BLTP1: variants seen among roughly 807,000 people sequenced by gnomAD.
The protein encoded by BLTP1 is fragile site-associated protein.
the BLTP1 span, chr4:122,286,569 G>A: frequency 6.2e-7 from 1 of 1,614,002 alleles, no homozygotes; most frequent in Non-Finnish European, 8.5e-7. Flanking sequence ...CATTTGAGCT[G>A]CCAAATCACA....
the BLTP1 span, chr4:122,246,102 G>A: frequency 1.3e-6 from 2 of 1,506,808 alleles, no homozygotes; most frequent in Non-Finnish European, 1.8e-6. Context: ...TGTGGATGAT[G>A]TGGAAGTTAT....
chr4:122,300,854 G>T, the BLTP1 span: 1 of 897,518 alleles, frequency 1.1e-6, no homozygotes, highest in Non-Finnish European at 1.3e-6. Context: ...GGAAAGAGAA[G>T]TGGAAACAGA....
chr4:122,238,555 G>A, the BLTP1 span, among the ~76,000 whole-genome samples: 3 of 152,218 alleles, frequency 2.0e-5, no homozygotes, highest in East Asian at 1.9e-4. Flanking sequence ...TATGAGGAAA[G>A]TACAGGAAAG....
the BLTP1 span, chr4:122,258,927 TC>T: frequency 1.4e-6 from 1 of 737,966 alleles, no homozygotes; most frequent in Non-Finnish European, 2.2e-6. Context: ...ATGTTAGGTG[TC>T]CACCCTAAAT....
chr4:122,250,553 A>C, the BLTP1 span: 1 of 1,613,588 alleles, frequency 6.2e-7, no homozygotes, highest in South Asian at 1.1e-5. Flanking sequence ...CTTAAATGGA[A>C]ATTCTGTTTC....
At chr4:122,184,389 A>T in the BLTP1 span, among the ~76,000 whole-genome samples, 26 of 152,216 alleles carry the variant, frequency 1.7e-4, no homozygotes, top group Non-Finnish European at 3.2e-4. Flanking sequence ...CTGTAATCCC[A>T]GCACTTTGGA....
chr4:122,166,710 G>A, the BLTP1 span, among the ~76,000 whole-genome samples: 2 of 152,168 alleles, frequency 1.3e-5, 1 homozygote, highest in South Asian at 4.1e-4. Context: ...CCATGAGCAT[G>A]GAATGTTCTT....
chr4:122,276,145 G>A, the BLTP1 span: 1 of 814,104 alleles, frequency 1.2e-6, no homozygotes, highest in South Asian at 3.2e-5. Context: ...TGTAATATAG[G>A]CCCTTTTATA....
the BLTP1 span, among the ~76,000 whole-genome samples, chr4:122,287,287 A>C: frequency 5.5e-3 from 838 of 152,346 alleles, 16 homozygotes; most frequent in African/African-American, 0.019. Context: ...TTCTTTACTA[A>C]GGTTAAGTTG....
the BLTP1 span, chr4:122,214,354 G>A: frequency 1.1e-6 from 1 of 934,664 alleles, no homozygotes; most frequent in Non-Finnish European, 1.3e-6. Context: ...CAAGCATAAT[G>A]TAAATTTGAC....
the BLTP1 span, among the ~76,000 whole-genome samples, chr4:122,164,895 T>G: frequency 6.6e-6 from 1 of 152,312 alleles, no homozygotes; most frequent in Non-Finnish European, 1.5e-5. Flanking sequence ...ATCACATTCA[T>G]GGTGATATGT....
the BLTP1 span, among the ~76,000 whole-genome samples, chr4:122,180,742 G>T: frequency 6.6e-6 from 1 of 152,332 alleles, no homozygotes; most frequent in East Asian, 1.9e-4. Context: ...AAAAGGCAAG[G>T]TGCAGAAGTG....
At chr4:122,254,511 AC>A in the BLTP1 span, 49 of 925,768 alleles carry the variant, frequency 5.3e-5, no homozygotes, top group African/African-American at 8.2e-4. Flanking sequence ...CATTAGTCTT[AC>A]CTTGTTTGAC....
chr4:122,288,597 A>G, the BLTP1 span: 1 of 158,306 alleles, frequency 6.3e-6, no homozygotes, highest in African/African-American at 2.4e-5. Flanking sequence ...GGTTAGAGTG[A>G]GCCAAGATTG....
the BLTP1 span, among the ~76,000 whole-genome samples, chr4:122,169,069 C>G: frequency 6.6e-6 from 1 of 152,062 alleles, no homozygotes; most frequent in Non-Finnish European, 1.5e-5. Flanking sequence ...TGCCCCCATG[C>G]CCTGAGTAGC....
At chr4:122,285,474 A>C in the BLTP1 span, among the ~76,000 whole-genome samples, 2 of 152,056 alleles carry the variant, frequency 1.3e-5, no homozygotes, top group African/African-American at 4.8e-5. Flanking sequence ...TAGTGAGAGG[A>C]GATCAGGGCA....
At chr4:122,357,401 A>G in the BLTP1 span, among the ~76,000 whole-genome samples, 1 of 151,962 alleles carries the variant, frequency 6.6e-6, no homozygotes, top group East Asian at 1.9e-4. Context: ...CATTTCTACA[A>G]AAAATACAAA....
At chr4:122,328,633 T>C in the BLTP1 span, 9 of 981,938 alleles carry the variant, frequency 9.2e-6, no homozygotes, top group Non-Finnish European at 2.4e-6. Flanking sequence ...AAGATGTGGT[T>C]ACGAGTAAAT....
At chr4:122,188,042 G>A in the BLTP1 span, 1 of 1,576,338 alleles carries the variant, frequency 6.3e-7, no homozygotes, top group South Asian at 1.2e-5. Context: ...AAATGTTCGA[G>A]TCATGCTTGT....
Sources: gnomAD v4.1 joint callset for allele counts (sites outside exome capture counted in the v4.1 genomes callset) on GRCh38, gnomAD v4.1.1 for gene constraint, MANE v1.5 for transcripts, NCBI Gene and HGNC (gene_info 2026-07-23, HGNC 2026-07-21) for gene names.